FUT9: variants seen among roughly 807,000 people sequenced by gnomAD.
The protein encoded by FUT9 is fucosyltransferase 9.
Under a neutral mutation model 29.7 loss-of-function variants are expected in FUT9, and 15 were observed. The observed-to-expected ratio is 0.51, with a 90% CI of 0.34 to 0.78. FUT9 has a LOEUF of 0.78. FUT9 is among the 30% of genes least tolerant of loss of function. The pLI is 0.01. For missense variants in FUT9, 319 were observed against 425.4 expected, an observed-to-expected ratio of 0.75 and a Z score of 2.20; for synonymous variants, 169 against 153.7, an observed-to-expected ratio of 1.10 and a Z score of -0.74.
At chr6:96,185,246 A>T (rs558512299) in intron 2 of FUT9, among the ~76,000 whole-genome samples, 23 of 152,192 alleles carry the variant, frequency 1.5e-4, no homozygotes, top group African/African-American at 5.5e-4. Flanking sequence ...CATCATTTAT[A>T]ATAGTGAATG....
chr6:96,047,922 T>A (rs1033018797), intron 1 of FUT9, among the ~76,000 whole-genome samples: 1 of 152,192 alleles, frequency 6.6e-6, no homozygotes, highest in Admixed American at 6.5e-5. Context: ...GTTATCTAAG[T>A]CAGAAGTCCA....
At chr6:96,144,057 G>T (rs1005644030) in intron 2 of FUT9, among the ~76,000 whole-genome samples, 3 of 152,120 alleles carry the variant, frequency 2.0e-5, no homozygotes, top group Non-Finnish European at 4.4e-5. Flanking sequence ...TGGCTCTCCT[G>T]TTTACCCTGC....
intron 2 of FUT9, among the ~76,000 whole-genome samples, chr6:96,196,547 A>C (rs1296503673): frequency 6.6e-6 from 1 of 151,924 alleles, no homozygotes; most frequent in Non-Finnish European, 1.5e-5. Flanking sequence ...CCCCATCTCT[A>C]CTAAAAATAC....
chr6:96,026,268 T>A (rs1478538561), intron 1 of FUT9, among the ~76,000 whole-genome samples: 2 of 151,794 alleles, frequency 1.3e-5, no homozygotes, highest in African/African-American at 2.4e-5. Context: ...TCATCCTTGC[T>A]ATTTCCTACT....
At chr6:96,199,175 G>C (rs1024818231) in intron 2 of FUT9, among the ~76,000 whole-genome samples, 1 of 152,064 alleles carries the variant, frequency 6.6e-6, no homozygotes, top group Non-Finnish European at 1.5e-5. Context: ...GCTATCTCTG[G>C]TGAGCTATAG....
At chr6:96,151,842 A>C (rs1772681973) in intron 2 of FUT9, among the ~76,000 whole-genome samples, 1 of 152,190 alleles carries the variant, frequency 6.6e-6, no homozygotes, top group Admixed American at 6.5e-5. Context: ...CTTTGAAACT[A>C]TTTTAATCAC....
intron 1 of FUT9, among the ~76,000 whole-genome samples, chr6:96,075,242 C>A (rs1771124499): frequency 6.6e-6 from 1 of 152,010 alleles, no homozygotes; most frequent in South Asian, 2.1e-4. Flanking sequence ...GTGTTAGGAG[C>A]CAAGTTTGAA....
chr6:96,118,034 C>A (rs1012399869), intron 2 of FUT9, among the ~76,000 whole-genome samples: 7 of 151,792 alleles, frequency 4.6e-5, no homozygotes, highest in Non-Finnish European at 2.9e-5. Context: ...AATGAAAACC[C>A]ATCTCTACTG....
chr6:96,178,378 A>G (rs1215943359), intron 2 of FUT9, among the ~76,000 whole-genome samples: 1 of 152,148 alleles, frequency 6.6e-6, no homozygotes, highest in East Asian at 1.9e-4. Context: ...AAGCTAATAT[A>G]TGTGGTTTGT....
chr6:96,044,142 C>T (rs968497099), intron 1 of FUT9, among the ~76,000 whole-genome samples: 4 of 152,236 alleles, frequency 2.6e-5, no homozygotes, highest in African/African-American at 9.6e-5. Flanking sequence ...GTACATGTCC[C>T]ACATTCAAAA....
intron 1 of FUT9, among the ~76,000 whole-genome samples, chr6:96,040,875 CT>C (rs1770448144): frequency 6.6e-6 from 1 of 151,722 alleles, no homozygotes; most frequent in African/African-American, 2.4e-5. Flanking sequence ...TGTACTTGGC[CT>C]TTTTATCACT....
At chr6:96,182,855 C>T (rs1433381011) in intron 2 of FUT9, among the ~76,000 whole-genome samples, 1 of 151,804 alleles carries the variant, frequency 6.6e-6, no homozygotes, top group Admixed American at 6.6e-5. Context: ...TTATAGTATA[C>T]ATTGAAATCA....
intron 1 of FUT9, among the ~76,000 whole-genome samples, chr6:96,069,541 G>A (rs1008758102): frequency 1.5e-4 from 23 of 151,998 alleles, no homozygotes; most frequent in African/African-American, 5.6e-4. Context: ...TTAAAATTCA[G>A]AGAAGTGAAT....
rs919701568 is a variant in FUT9, at chr6:96,054,032, A to G, written c.-98+37820A>G. On this transcript the variant is annotated intron_variant, in intron 1 of 2. Coordinates refer to ENST00000302103, the MANE Select transcript of FUT9 (RefSeq NM_006581.4). ...TGCTAAATAAAGCACAGGATGTCAT[A>G]AGGTGTTGCAATAGAGTGTTGTTGT... Among the ~76,000 whole-genome samples, 10 of 152,306 alleles carry G rather than the reference A, an allele frequency of 6.6e-5. No homozygotes were observed. In the South Asian group the frequency reaches 1.0e-3, roughly 16 times the overall value.
intron 2 of FUT9, among the ~76,000 whole-genome samples, chr6:96,120,126 CATT>C (rs1456766804): frequency 3.9e-5 from 6 of 151,906 alleles, no homozygotes; most frequent in South Asian, 2.1e-4. Flanking sequence ...TCAGAATTCT[CATT>C]ATTTTATTTT....
At chr6:96,132,392 C>T (rs955443735) in intron 2 of FUT9, among the ~76,000 whole-genome samples, 2 of 152,030 alleles carry the variant, frequency 1.3e-5, no homozygotes, top group Non-Finnish European at 2.9e-5. Flanking sequence ...CCCAGTAGAA[C>T]GCATCCTCTC....
At chr6:96,089,620 C>G (rs1771377314) in intron 1 of FUT9, among the ~76,000 whole-genome samples, 1 of 152,262 alleles carries the variant, frequency 6.6e-6, no homozygotes, top group Middle Eastern at 3.4e-3. Flanking sequence ...CAGTATACAT[C>G]GATCTCACCC....
chr6:96,083,577 TAA>T, intron 1 of FUT9, among the ~76,000 whole-genome samples: 1 of 152,130 alleles, frequency 6.6e-6, no homozygotes, highest in South Asian at 2.1e-4. Context: ...TCTTGAGTGT[TAA>T]GAGTTCCACT....
chr6:96,051,016 G>C (rs1316758714), intron 1 of FUT9, among the ~76,000 whole-genome samples: 7 of 151,440 alleles, frequency 4.6e-5, no homozygotes, highest in African/African-American at 1.5e-4. Context: ...CTCTCTCTGT[G>C]TGTGTGTGTG....
Sources: allele counts gnomAD v4.1 joint callset (sites outside exome capture counted in the v4.1 genomes callset), GRCh38; gene constraint gnomAD v4.1.1; transcripts MANE v1.5; gene names NCBI Gene and HGNC (gene_info 2026-07-23, HGNC 2026-07-21).